TASP1: variants seen among roughly 807,000 people sequenced by gnomAD.
TASP1 encodes the protein threonine aspartase 1.
TASP1 carries 16 observed loss-of-function variants against 56.6 expected under a neutral mutation model. The ratio of observed to expected loss-of-function variants is 0.28; its 90% CI spans 0.19 to 0.43. The LOEUF (loss-of-function observed/expected upper bound fraction) is 0.43. Among genes scored for constraint, TASP1 ranks in the 20% least tolerant of loss-of-function variants. The pLI, the probability that TASP1 is intolerant of heterozygous loss-of-function variation, is 1.00. For missense variants in TASP1, 393 were observed against 511.6 expected (o/e 0.77, Z 2.24); for synonymous variants, 179 against 184.2 (o/e 0.97, Z 0.23).
the TASP1 span, chr20:13,166,606 G>C: frequency 6.6e-6 from 1 of 152,200 alleles, no homozygotes; most frequent in African/African-American, 2.4e-5. Flanking sequence ...AAGAAAGGGA[G>C]ACATACTGTT....
the TASP1 span, among the ~76,000 whole-genome samples, chr20:13,205,103 T>C: frequency 6.6e-6 from 1 of 152,158 alleles, no homozygotes; most frequent in Non-Finnish European, 1.5e-5. Context: ...AAATTGCTCC[T>C]CTGCTTGGGA....
the TASP1 span, among the ~76,000 whole-genome samples, chr20:13,382,310 G>A: frequency 3.3e-5 from 5 of 152,110 alleles, no homozygotes; most frequent in Non-Finnish European, 1.5e-5. Flanking sequence ...GGAGCTTCTC[G>A]TGCTGTCATC....
chr20:13,410,284 A>C (rs2042053430), intron 13 of TASP1, among the ~76,000 whole-genome samples: 2 of 152,226 alleles, frequency 1.3e-5, no homozygotes, highest in South Asian at 2.1e-4. Context: ...TGCAATGAAC[A>C]TGCAAGTACA....
downstream of TASP1, among the ~76,000 whole-genome samples, chr20:13,384,556 G>A (rs1414362729): frequency 6.6e-6 from 1 of 152,188 alleles, no homozygotes; most frequent in African/African-American, 2.4e-5. Context: ...TCTGATCATA[G>A]ACATCTGGCT....
At chr20:13,341,742 G>C in the TASP1 span, among the ~76,000 whole-genome samples, 1 of 152,250 alleles carries the variant, frequency 6.6e-6, no homozygotes, top group Admixed American at 6.5e-5. Context: ...TTCTGCAGAT[G>C]AGTTGGTTGG....
chr20:13,611,354 T>A (rs1004052683), intron 4 of TASP1, among the ~76,000 whole-genome samples: 1 of 152,240 alleles, frequency 6.6e-6, no homozygotes, highest in Non-Finnish European at 1.5e-5. Context: ...CTTATTTGGG[T>A]CACCGAGGTT....
At chr20:13,260,616 T>G in the TASP1 span, among the ~76,000 whole-genome samples, 8 of 151,464 alleles carry the variant, frequency 5.3e-5, 2 homozygotes, top group African/African-American at 1.9e-4. Context: ...TTTTTTTTTT[T>G]GAAGTTAGTG....
At chr20:13,577,828 C>A (rs1305914703) in intron 6 of TASP1, among the ~76,000 whole-genome samples, 2 of 152,162 alleles carry the variant, frequency 1.3e-5, no homozygotes, top group African/African-American at 4.8e-5. Context: ...TAACACTAAG[C>A]CATGTTACTA....
the TASP1 span, among the ~76,000 whole-genome samples, chr20:13,311,243 T>TAGATGATA: frequency 0.089 from 11,384 of 127,520 alleles, 612 homozygotes; most frequent in South Asian, 0.13. Flanking sequence ...GATAGATAGA[T>TAGATGATA]GATAGATAGA....
intron 8 of TASP1, among the ~76,000 whole-genome samples, chr20:13,545,773 G>C (rs1467271337): frequency 6.6e-6 from 1 of 152,092 alleles, no homozygotes; most frequent in Non-Finnish European, 1.5e-5. Context: ...CCTGGCTTCT[G>C]AGTTTGAAAC....
the TASP1 span, among the ~76,000 whole-genome samples, chr20:13,131,811 C>A: frequency 1.3e-5 from 2 of 152,154 alleles, no homozygotes; most frequent in Non-Finnish European, 2.9e-5. Context: ...AAAACTAACT[C>A]ATACCATGTC....
the TASP1 span, among the ~76,000 whole-genome samples, chr20:13,351,491 A>G: frequency 1.3e-5 from 2 of 152,382 alleles, no homozygotes; most frequent in Admixed American, 6.5e-5. Context: ...GAAACAAATC[A>G]GACAGATCTT....
chr20:13,576,032 C>A (rs2046892768), intron 6 of TASP1, among the ~76,000 whole-genome samples: 1 of 151,604 alleles, frequency 6.6e-6, no homozygotes, highest in Non-Finnish European at 1.5e-5. Context: ...GCCAACCCCT[C>A]CTCTACTAAA....
the TASP1 span, among the ~76,000 whole-genome samples, chr20:13,345,916 TAAAAAAAAAA>T: frequency 2.1e-4 from 21 of 101,336 alleles, no homozygotes; most frequent in South Asian, 6.7e-4. Context: ...CTCAGTAGGT[TAAAAAAAAAA>T]AAAAAAAAAA....
At chr20:13,521,866 C>T (rs2044773857) in intron 10 of TASP1, among the ~76,000 whole-genome samples, 1 of 151,892 alleles carries the variant, frequency 6.6e-6, no homozygotes, top group African/African-American at 2.4e-5. Context: ...ATGATACTTG[C>T]TACGGGAAAA....
At chr20:13,480,903 C>T (rs1333141633) in intron 11 of TASP1, among the ~76,000 whole-genome samples, 2 of 152,132 alleles carry the variant, frequency 1.3e-5, no homozygotes, top group Middle Eastern at 3.4e-3. Flanking sequence ...ATAATCACAC[C>T]ATCAACTATA....
chr20:13,174,233 G>T, the TASP1 span, among the ~76,000 whole-genome samples: 4 of 152,112 alleles, frequency 2.6e-5, no homozygotes, highest in Admixed American at 1.3e-4. Flanking sequence ...GCATGTTCAG[G>T]TCTTTTAAAT....
chr20:13,281,757 GA>G, the TASP1 span, among the ~76,000 whole-genome samples: 4 of 152,200 alleles, frequency 2.6e-5, no homozygotes, highest in African/African-American at 9.6e-5. Context: ...GAGAAGCACA[GA>G]GGACCGCTTG....
At chr20:13,530,775 T>C (rs546214209) in intron 9 of TASP1, among the ~76,000 whole-genome samples, 21 of 152,294 alleles carry the variant, frequency 1.4e-4, no homozygotes, top group Admixed American at 5.2e-4. Flanking sequence ...CTGAAATTCA[T>C]TGGGCTGAGA....
Sources: gnomAD v4.1 joint callset for allele counts (sites outside exome capture counted in the v4.1 genomes callset) on GRCh38, gnomAD v4.1.1 for gene constraint, MANE v1.5 for transcripts, NCBI Gene and HGNC (gene_info 2026-07-23, HGNC 2026-07-21) for gene names.